Variants in UBR3 observed in about 807,000 individuals in gnomAD.
The protein encoded by UBR3 is E3 ubiquitin-protein ligase UBR3.
Under a neutral mutation model 243.2 loss-of-function variants are expected in UBR3, and 85 were observed. The ratio of observed to expected loss-of-function variants is 0.35; its 90% CI spans 0.29 to 0.42. The LOEUF is 0.42. UBR3 is among the 10% of genes least tolerant of loss of function. The pLI, the probability that UBR3 is intolerant of heterozygous loss-of-function variation, is 1.00. For missense variants in UBR3, 1,686 were observed against 2,300.8 expected, an observed-to-expected ratio of 0.73 and a Z score of 5.47; for synonymous variants, 748 against 799.8, an observed-to-expected ratio of 0.94 and a Z score of 1.09.
chr2:169,935,163 G>T (rs1415196497), intron 19 of UBR3, among the ~76,000 whole-genome samples: 3 of 152,246 alleles, frequency 2.0e-5, no homozygotes, highest in Middle Eastern at 3.4e-3. Flanking sequence ...AAATATGTCT[G>T]TTTTTTGTTT....
At chr2:169,909,755 A>ATG (rs886087547) in intron 10 of UBR3, among the ~76,000 whole-genome samples, 1 of 151,766 alleles carries the variant, frequency 6.6e-6, no homozygotes, top group South Asian at 2.1e-4. Flanking sequence ...ATATATATAT[A>ATG]TATCTTGAAA....
Position 170,015,453 on chromosome 2 carries a change from A to C in UBR3, c.4453+87A>C, listed in dbSNP as rs551683412. On this transcript the variant is annotated intron_variant, in intron 30 of 38. Transcript: ENST00000272793. Reference sequence around the variant, plus strand: ...AAAAGTGACATTTTGGTATATTTCAAATTTTGTCTGTTATATATGATCTAT... The same window carrying C: ...AAAAGTGACATTTTGGTATATTTCACATTTTGTCTGTTATATATGATCTAT... The C allele has an allele frequency of 3.9e-4, 421 of 1,089,402 alleles. No individual in the cohort carries two copies. In the African/African-American group the frequency reaches 6.0e-3, roughly 16 times the overall value. The allele number at this position is 1,089,402 out of a possible 1,614,324, so 67.5% of individuals were successfully genotyped here.
intron 1 of UBR3, among the ~76,000 whole-genome samples, chr2:169,836,025 CTCTCTCTCTCTCTCTCTCTATATATA>C (rs1357453080): frequency 6.2e-4 from 19 of 30,678 alleles, no homozygotes; most frequent in South Asian, 2.5e-3. Flanking sequence ...CTCTCTCTCT[CTCTCTCTCTCTCTCTCTCTATATATA>C]TATATATATA....
At chr2:169,906,712 A>C (rs1175256649) in intron 10 of UBR3, among the ~76,000 whole-genome samples, 2 of 152,192 alleles carry the variant, frequency 1.3e-5, no homozygotes, top group African/African-American at 4.8e-5. Flanking sequence ...ACCAGTAATC[A>C]TGCTGGACAA....
chr2:170,040,761 C>A, intron 31 of UBR3, 121 bp from the exon 32 acceptor site: 2 of 789,892 alleles, frequency 2.5e-6, no homozygotes, highest in Non-Finnish European at 3.7e-6. Flanking sequence ...TTTTTTTTTA[C>A]ATTTCTTCTT....
chr2:169,941,027 A>T (rs1453377011), intron 19 of UBR3, among the ~76,000 whole-genome samples: 1 of 152,228 alleles, frequency 6.6e-6, no homozygotes, highest in Non-Finnish European at 1.5e-5. Flanking sequence ...ACATCCAGCC[A>T]TCACATTGTC....
At chr2:169,898,482 G>A (rs888213041) in intron 8 of UBR3, among the ~76,000 whole-genome samples, 3 of 152,072 alleles carry the variant, frequency 2.0e-5, no homozygotes, top group Admixed American at 1.3e-4. Context: ...CCATTTTATA[G>A]ATGAGGCAGC....
chr2:169,836,244 T>A (rs1212261542), intron 1 of UBR3, among the ~76,000 whole-genome samples: 1 of 150,376 alleles, frequency 6.6e-6, no homozygotes, highest in Non-Finnish European at 1.5e-5. Context: ...CCACCATGCC[T>A]AGCTAATTTT....
rs1476506810 is a variant in UBR3, at chr2:169,925,585, A to G, written c.2023-34A>G. The G allele has an allele frequency of 4.6e-6, 7 of 1,513,918 alleles. No homozygotes were observed. In the Admixed American group the frequency reaches 6.7e-5, roughly 14 times the overall value. The allele number at this position is 1,513,918 out of a possible 1,614,324, so 93.8% of individuals were successfully genotyped here. ...AATATTTTGTAAAGATTGCATTTAG[A>G]TAATTTATTCTTTGTCCAATTTACT... On this transcript the variant is annotated intron_variant, in intron 13 of 38. Coordinates refer to ENST00000272793, the MANE Select transcript of UBR3 (RefSeq NM_172070.4).
chr2:170,011,493 G>A (rs1369679784), intron 29 of UBR3, among the ~76,000 whole-genome samples: 7 of 152,020 alleles, frequency 4.6e-5, no homozygotes, highest in African/African-American at 1.4e-4. Context: ...TATTAGTAAC[G>A]TGAGTGGAAT....
chr2:170,050,598 T>C (rs570447106), intron 32 of UBR3, among the ~76,000 whole-genome samples: 2 of 152,220 alleles, frequency 1.3e-5, no homozygotes, highest in African/African-American at 4.8e-5. Context: ...TTTTTTGTTG[T>C]TATTGTAGTT....
intron 24 of UBR3, among the ~76,000 whole-genome samples, chr2:169,963,194 G>A (rs2087659480): frequency 6.6e-6 from 1 of 152,158 alleles, no homozygotes. Flanking sequence ...AGGAATTGGG[G>A]TGCTATGTAG....
intron 19 of UBR3, 72 bp downstream of exon 19, chr2:169,933,080 AGATAT>A (rs2086198613): frequency 2.0e-6 from 2 of 1,008,064 alleles, no homozygotes; most frequent in Admixed American, 3.3e-5. Context: ...GTGATAACAC[AGATAT>A]GATATGCTCT....
intron 33 of UBR3, 101 bp from the exon 34 acceptor site, chr2:170,060,975 AAAT>A (rs1419694885): frequency 4.3e-5 from 34 of 782,174 alleles, no homozygotes; most frequent in Non-Finnish European, 4.3e-5. Context: ...TATGCTTGAA[AAAT>A]AATATAATCA....
intron 26 of UBR3, among the ~76,000 whole-genome samples, chr2:169,995,553 T>G (rs1419633826): frequency 1.3e-5 from 2 of 152,230 alleles, no homozygotes; most frequent in Non-Finnish European, 2.9e-5. Context: ...AGTCACAGTT[T>G]CCAAGAACCT....
intron 17 of UBR3, among the ~76,000 whole-genome samples, chr2:169,928,463 A>G (rs574559643): frequency 5.9e-5 from 9 of 152,290 alleles, no homozygotes; most frequent in African/African-American, 2.2e-4. Context: ...AATTTGATAA[A>G]TTTATTTCGG....
In UBR3 at chr2:169,948,334, C is replaced by CT. The variant is rs150697581; in HGVS notation, c.3084+628dup. Among the ~76,000 whole-genome samples, 481 of 151,090 alleles carry CT rather than the reference C, an allele frequency of 3.2e-3. 2 individuals are homozygous for CT. The highest frequency in any genetic ancestry group is 0.01 in the African/African-American group (431 of 41,324). ...TAGCAGCATGCTCATTTGCAAATAA[C>CT]TTTTTTTTTGCTTCTATGGCAATTA... On this transcript the variant is annotated intron_variant, in intron 22 of 38. Transcript: ENST00000272793.
rs1280721279 is a variant in UBR3, at chr2:169,896,583, C to T, written c.1313C>T (p.Thr438Ile). 1 of 1,550,590 alleles carries T rather than the reference C, an allele frequency of 6.4e-7. No homozygotes were observed. The highest frequency in any genetic ancestry group is 1.2e-5 in the South Asian group (1 of 83,950). The change falls in exon 8 of 39, where the codon ACA (threonine) becomes ATA (isoleucine). Residue 438 changes from threonine (T) to isoleucine (I), a missense_variant. Physicochemically the swap from Thr to Ile is moderately conservative, Grantham distance 89. This residue lies in a region of UBR3 where 346 missense variants were observed against 585.8 expected (regional missense o/e 0.59). Coordinates refer to ENST00000272793, the MANE Select transcript of UBR3 (RefSeq NM_172070.4). ...CTGAAGAAAAGTCATGAATCAGACACAATGTCTAACAGAATTGTGCATATT... is the reference window on the plus strand; with the variant it reads ...CTGAAGAAAAGTCATGAATCAGACATAATGTCTAACAGAATTGTGCATATT... ...KTLKKSHESD[T>I]MSNRIVHISV...
chr2:170,007,912 T>C (rs1469830972), intron 28 of UBR3, among the ~76,000 whole-genome samples: 1 of 142,620 alleles, frequency 7.0e-6, no homozygotes, highest in Admixed American at 6.9e-5. Context: ...ATATATACTC[T>C]GTGTGTGTGT....
Sources: gnomAD v4.1 joint callset for allele counts (sites outside exome capture counted in the v4.1 genomes callset) on GRCh38, gnomAD v4.1.1 for gene constraint, gnomAD v4.1.1 regional missense constraint, MANE v1.5 for transcripts, NCBI Gene and HGNC (gene_info 2026-07-23, HGNC 2026-07-21) for gene names.